The following CEP170B variants were observed in gnomAD, a reference collection of about 807,000 sequenced individuals.
CEP170B encodes centrosomal protein of 170 kDa protein B.
In CEP170B, 55 loss-of-function variants were observed where a neutral mutation model predicts 120.6. The ratio of observed to expected loss-of-function variants is 0.46; its 90% CI spans 0.37 to 0.57. CEP170B has a LOEUF of 0.57. CEP170B is among the 20% of genes least tolerant of loss of function. The probability of loss-of-function intolerance (pLI) is 0.00; values close to 1 mark genes in which losing one functional copy is unlikely to be tolerated. For missense variants in CEP170B, 2,212 were observed against 2,253.3 expected (o/e 0.98, Z 0.37); for synonymous variants, 1,033 against 954.5 (o/e 1.08, Z -1.52).
In CEP170B at chr14:104,880,440, T is replaced by C. The variant is rs2140674661; in HGVS notation, c.472+15T>C. On this transcript the variant is annotated intron_variant, in intron 6 of 18. Transcript: ENST00000414716. The stretch of plus-strand genomic sequence containing the variant: ...ACCAGGAACAGGTAGGCCCAGGCAG[T>C]GCGGATGGGGTGAGCACACAGGGCC... 4 of 1,609,800 alleles carry C rather than the reference T, an allele frequency of 2.5e-6. No individual in the cohort carries two copies. The highest frequency in any genetic ancestry group is 2.2e-5 in the South Asian group (2 of 90,544).
Position 104,886,577 on chromosome 14 carries a change from A to C in CEP170B, c.2338A>C (p.Ser780Arg), listed in dbSNP as rs1896521341. The C allele has an allele frequency of 6.6e-7, 1 of 1,513,050 alleles. No individual in the cohort carries two copies. Among genetic ancestry groups the C allele is most frequent in the Admixed American group, 2.3e-5 (1 of 43,526 alleles). The allele number at this position is 1,513,050 out of a possible 1,614,324, so 93.7% of individuals were successfully genotyped here. ...GAGCCCCCAGGAGGGGCCCACGTGG[A>C]GCAGGGGTCGGCGCTCACCAAGGGC... is the stretch of plus-strand genomic sequence containing the variant. Reference protein sequence around the residue: ...RRSPQEGPTWSRGRRSPRAPG... With the variant: ...RRSPQEGPTWRRGRRSPRAPG... Residue 780 changes from serine (S) to arginine (R), a missense_variant, in exon 12 of 19, where the codon AGC becomes CGC. Ser to Arg is a moderately radical substitution (Grantham distance 110). Around this residue, in one of 2 missense-constraint regions of CEP170B, gnomAD observed 2,166 missense variants for 2,166.7 expected, o/e 1.00. Coordinates refer to ENST00000414716, the MANE Select transcript of CEP170B (RefSeq NM_001112726.3).
intron 16 of CEP170B, chr14:104,894,067 C>G: frequency 3.1e-6 from 2 of 653,150 alleles, no homozygotes; most frequent in South Asian, 3.7e-5. Context: ...CTCCCCTTCT[C>G]CCCTAGCCCT....
chr14:104,896,095 C>T lies in CEP170B; in HGVS notation c.*1137C>T, dbSNP rs190434290. On this transcript the variant is annotated 3_prime_UTR_variant, in exon 19 of 19. Coordinates refer to ENST00000414716, the MANE Select transcript of CEP170B (RefSeq NM_001112726.3). ...GTTGGCCGTGGTTGGTGGGGGTGGACGTGGGGGTGTCCCACCTGGACCAGA... is the reference window on the plus strand; with the variant it reads ...GTTGGCCGTGGTTGGTGGGGGTGGATGTGGGGGTGTCCCACCTGGACCAGA... 360 of 159,344 alleles carry T rather than the reference C, an allele frequency of 2.3e-3. 2 individuals carry two copies. The highest frequency in any genetic ancestry group is 8.5e-3 in the African/African-American group (353 of 41,694). The allele number at this position is 159,344 out of a possible 1,614,324, so 9.9% of individuals were successfully genotyped here. A position where few individuals can be genotyped will look rare whatever the true frequency, so the allele number is the denominator to read the frequency against.
Position 104,872,428 on chromosome 14 carries a change from CGT to C in CEP170B, c.106-3822_106-3821del, listed in dbSNP as rs1408741177. On this transcript the variant is annotated intron_variant, in intron 2 of 18. Transcript: ENST00000414716. ...GTGGGTGTGCCGTGGGTGTGCCGTG[CGT>C]GTGTGCGTGTGTGTGCCATGTGTGT... is the stretch of plus-strand genomic sequence containing the variant. 5.5e-4 allele frequency among the ~76,000 whole-genome samples: 16 copies of C among 29,220 alleles called. 1 individual carries two copies. The South Asian group carries it at 0.019, about 34-fold the overall frequency. The allele number at this position is 29,220 out of a possible 152,430, so 19.2% of individuals were successfully genotyped here.
intron 3 of CEP170B, among the ~76,000 whole-genome samples, chr14:104,876,832 C>T (rs973183129): frequency 1.3e-5 from 2 of 152,202 alleles, no homozygotes; most frequent in Admixed American, 1.3e-4. Context: ...CCATGTGATC[C>T]TTTCTTCTGT....
In CEP170B at chr14:104,894,332, G is replaced by A. The variant is rs1175180781; in HGVS notation, c.4319G>A (p.Arg1440Lys). Residue 1440 changes from arginine (R) to lysine (K), a missense_variant, in exon 17 of 19, where the codon AGG becomes AAG. Coordinates refer to ENST00000414716, the MANE Select transcript of CEP170B (RefSeq NM_001112726.3). ...AGAGCTTGGGAGGACCTGGAAGCCAGGATCAACGCCGAGAACGAGGTGCCC... is the reference window on the plus strand; with the variant it reads ...AGAGCTTGGGAGGACCTGGAAGCCAAGATCAACGCCGAGAACGAGGTGCCC... ...TGRAWEDLEA[R>K]INAENEVPIL... 4.3e-6 allele frequency: 7 copies of A among 1,613,574 alleles called. No individual in the cohort carries two copies. In the Admixed American group the frequency reaches 1.0e-4, roughly 23 times the overall value.
Position 104,887,150 on chromosome 14 carries a change from C to T in CEP170B, c.2911C>T (p.Pro971Ser). ...TVSLRSGKSG[P>S]SPTTPQPLRA... ...CAGCCTGCGTAGTGGCAAGAGCGGG[C>T]CCAGCCCCACAACCCCCCAGCCTCT... The change falls in exon 12 of 19, where the codon CCC (proline) becomes TCC (serine). Residue 971 changes from proline (P) to serine (S), a missense_variant. By Grantham distance (74) the Pro-to-Ser change is moderately conservative (BLOSUM62 -1). Transcript: ENST00000414716. 2 of 1,609,412 alleles carry T rather than the reference C, an allele frequency of 1.2e-6. No homozygotes were observed. Among genetic ancestry groups the T allele is most frequent in the Non-Finnish European group, 8.5e-7 (1 of 1,179,740 alleles).
intron 2 of CEP170B, among the ~76,000 whole-genome samples, chr14:104,871,036 C>G (rs965306161): frequency 6.6e-6 from 1 of 152,022 alleles, no homozygotes; most frequent in African/African-American, 2.4e-5. Context: ...CCCTTGGCCC[C>G]TCTGTTGCCC....
chr14:104,875,637 G>A (rs1895804847), intron 2 of CEP170B, among the ~76,000 whole-genome samples: 1 of 152,164 alleles, frequency 6.6e-6, no homozygotes, highest in Admixed American at 6.5e-5. Flanking sequence ...CAGCGCTTAA[G>A]CAAGTAGAAA....
rs914107541 is a variant in CEP170B, at chr14:104,870,302, G to A, written c.105+1747G>A. 2.0e-5 allele frequency among the ~76,000 whole-genome samples: 3 copies of A among 152,158 alleles called. No individual in the cohort carries two copies. Among genetic ancestry groups the A allele is most frequent in the Non-Finnish European group, 4.4e-5 (3 of 68,022 alleles). On this transcript the variant is annotated intron_variant, in intron 2 of 18. Transcript: ENST00000414716. This position sits in a 1 kb window ranked among gnomAD's most constrained non-coding sequence, Gnocchi z 4.1. ...TTCATGTGTCATGAAATAGCCTTTT[G>A]ATGATTTTCAATCATTTAAAAGTGT...
Position 104,884,052 on chromosome 14 carries a change from A to G in CEP170B, c.1273A>G (p.Ser425Gly). The part of the protein sequence containing the change: ...RKKRSQSFTH[S>G]PSGDPKADKR... ...GAAGCGCTCCCAGTCCTTCACGCAC[A>G]GCCCGTCCGGGGACCCCAAGGCCGA... Residue 425 changes from serine (S) to glycine (G), a missense_variant, in exon 9 of 19, where the codon AGC becomes GGC. By Grantham distance (56) the Ser-to-Gly change is moderately conservative. Coordinates refer to ENST00000414716, the MANE Select transcript of CEP170B (RefSeq NM_001112726.3). 1.7e-5 allele frequency: 28 copies of G among 1,609,292 alleles called. No individual in the cohort carries two copies. The highest frequency in any genetic ancestry group is 2.4e-5 in the Non-Finnish European group (28 of 1,178,124).
In CEP170B at chr14:104,882,922, G is replaced by A. The variant is rs368074202; in HGVS notation, c.577+90G>A. ...GGCCTGGGCTTGAGGAGCCCACTCC[G>A]GGGGACATGGGGCCTGTCTCCCCCT... is the stretch of plus-strand genomic sequence containing the variant. On this transcript the variant is annotated intron_variant, in intron 7 of 18. Transcript: ENST00000414716. 8.2e-5 allele frequency: 119 copies of A among 1,458,372 alleles called. 1 individual carries two copies. The highest frequency in any genetic ancestry group is 3.0e-4 in the South Asian group (23 of 76,128). The allele number at this position is 1,458,372 out of a possible 1,614,324, so 90.3% of individuals were successfully genotyped here. A position where few individuals can be genotyped will look rare whatever the true frequency, so the allele number is the denominator to read the frequency against.
chr14:104,866,023 C>T (rs1411632372), intron 1 of CEP170B, among the ~76,000 whole-genome samples: 1 of 152,250 alleles, frequency 6.6e-6, no homozygotes, highest in Admixed American at 6.5e-5. Context: ...CCCTTCCCTG[C>T]CCTGGGCCTA....
chr14:104,873,228 G>A (rs572548939), intron 2 of CEP170B, among the ~76,000 whole-genome samples: 1 of 151,744 alleles, frequency 6.6e-6, no homozygotes, highest in African/African-American at 2.4e-5. Context: ...AGCTGGGCTC[G>A]GGGTGTTAAC....
chr14:104,894,037 C>T (rs963836992), intron 16 of CEP170B, 188 bp downstream of exon 16: 136 of 678,248 alleles, frequency 2.0e-4, no homozygotes, highest in Non-Finnish European at 4.5e-5. Context: ...GAGGAGCCAG[C>T]GCCTCCAGGG....
At chr14:104,876,654 C>G (rs1025732173) in intron 3 of CEP170B, among the ~76,000 whole-genome samples, 1 of 152,208 alleles carries the variant, frequency 6.6e-6, no homozygotes, top group Non-Finnish European at 1.5e-5. Flanking sequence ...CAGAGGCCCC[C>G]AGGCCTCCCC....
At position 104,895,060 on chromosome 14, in the gene CEP170B, C is replaced by G; in HGVS notation, c.*102C>G. ...GCCGCAGGTGGTTCTCCCTGAAGAC[C>G]CCCACATGTGCCATATCCCTGTGGG... is the stretch of plus-strand genomic sequence containing the variant. On this transcript the variant is annotated 3_prime_UTR_variant, in exon 19 of 19. Transcript: ENST00000414716. 2 of 1,329,010 alleles carry G rather than the reference C, an allele frequency of 1.5e-6. No individual in the cohort carries two copies. Among genetic ancestry groups the G allele is most frequent in the East Asian group, 5.2e-5 (2 of 38,726 alleles). The allele number at this position is 1,329,010 out of a possible 1,614,324, so 82.3% of individuals were successfully genotyped here.
intron 4 of CEP170B, 72 bp downstream of exon 4, chr14:104,878,035 C>G (rs1416319277): frequency 3.2e-6 from 4 of 1,262,914 alleles, no homozygotes; most frequent in Non-Finnish European, 4.5e-6. Context: ...CCCTGTTACT[C>G]CAGAAGCAGG....
chr14:104,875,580 C>T (rs1895797772), intron 2 of CEP170B, among the ~76,000 whole-genome samples: 1 of 152,032 alleles, frequency 6.6e-6, no homozygotes, highest in African/African-American at 2.4e-5. Flanking sequence ...CAGCTGTGCT[C>T]GCAGTGCTGT....
Sources: allele counts gnomAD v4.1 joint callset (sites outside exome capture counted in the v4.1 genomes callset), GRCh38; gene constraint gnomAD v4.1.1; regional missense constraint gnomAD v4.1.1; non-coding constraint Gnocchi (gnomAD v3.1); transcripts MANE v1.5; gene names NCBI Gene and HGNC (gene_info 2026-07-23, HGNC 2026-07-21).